PRRC2B: variants seen among roughly 807,000 people sequenced by gnomAD.
PRRC2B encodes the protein protein PRRC2B.
PRRC2B carries 68 observed loss-of-function variants against 242.3 expected under a neutral mutation model. That is an observed-to-expected ratio of 0.28 (90% CI 0.23 to 0.34). The LOEUF is 0.34. Ranked by LOEUF, PRRC2B falls within the 10% of genes least tolerant of loss-of-function variation. PRRC2B has a pLI of 1.00. For missense variants in PRRC2B, 2,835 were observed against 2,954.8 expected, an observed-to-expected ratio of 0.96 and a Z score of 0.94; for synonymous variants, 1,228 against 1,173.6, an observed-to-expected ratio of 1.05 and a Z score of -0.95.
In PRRC2B at chr9:131,482,716, G is replaced by C; in HGVS notation, c.5182G>C (p.Glu1728Gln). Residue 1728 changes from glutamate to glutamine, a missense_variant, in exon 22 of 32, where the codon GAA becomes CAA. Around this residue, in one of 7 missense-constraint regions of PRRC2B, gnomAD observed 51 missense variants for 45.1 expected, o/e 1.13. Coordinates refer to ENST00000683519, the MANE Select transcript of PRRC2B (RefSeq NM_013318.4). The surrounding 1 kb of genome is among the most constrained non-coding windows in gnomAD (Gnocchi z 5.2). ...APKPSEQKDS[E>Q]QGSGQSKEHR... Reference sequence around the variant, plus strand: ...TCTCTGCTTTTTTATCAAGGATTCAGAACAAGGCTCTGGACAGAGCAAGGA... The same window carrying C: ...TCTCTGCTTTTTTATCAAGGATTCACAACAAGGCTCTGGACAGAGCAAGGA... The C allele has an allele frequency of 6.3e-7, 1 of 1,576,584 alleles. No individual in the cohort carries two copies. Among genetic ancestry groups the C allele is most frequent in the Non-Finnish European group, 8.6e-7 (1 of 1,162,914 alleles).
At chr9:131,486,903 C>A (rs767212960) in intron 26 of PRRC2B, among the ~76,000 whole-genome samples, 1 of 152,216 alleles carries the variant, frequency 6.6e-6, no homozygotes, top group Non-Finnish European at 1.5e-5. Flanking sequence ...TTGGAACTCA[C>A]CTCTGTTGAC....
intron 2 of PRRC2B, among the ~76,000 whole-genome samples, chr9:131,430,818 C>G (rs966683072): frequency 6.6e-6 from 1 of 151,486 alleles, no homozygotes; most frequent in African/African-American, 2.4e-5. Context: ...GTCTCAAACT[C>G]GTGACCTCAG....
intron 5 of PRRC2B, among the ~76,000 whole-genome samples, 176 bp from the exon 6 acceptor site, chr9:131,444,009 T>C (rs370010598): frequency 9.2e-5 from 14 of 152,310 alleles, no homozygotes; most frequent in African/African-American, 3.1e-4. Flanking sequence ...TCAGCAGCAG[T>C]CTCCCTTGCC....
Position 131,499,103 on chromosome 9 carries a change from A to C in PRRC2B, c.*3229A>C, listed in dbSNP as rs1042876815. The C allele has an allele frequency of 3.9e-5, 6 of 152,228 alleles. No individual in the cohort carries two copies. The highest frequency in any genetic ancestry group is 7.3e-5 in the Non-Finnish European group (5 of 68,044). The allele number at this position is 152,228 out of a possible 1,614,324, so 9.4% of individuals were successfully genotyped here. On this transcript the variant is annotated 3_prime_UTR_variant, in exon 32 of 32. Coordinates refer to ENST00000683519, the MANE Select transcript of PRRC2B (RefSeq NM_013318.4). ...ATTCAAGAAAATCAGTTCAGTTCCA[A>C]AGCTGTGGTCCTTCCAGCCACTTCT...
chr9:131,481,624 T>C, intron 19 of PRRC2B, 102 bp from the exon 20 acceptor site: 1 of 946,612 alleles, frequency 1.1e-6, no homozygotes, highest in Non-Finnish European at 1.6e-6. Context: ...GCAGGGGAGT[T>C]GGATTTCTGC....
At chr9:131,421,554 C>A (rs1490225045) in intron 1 of PRRC2B, among the ~76,000 whole-genome samples, 2 of 152,282 alleles carry the variant, frequency 1.3e-5, no homozygotes, top group Middle Eastern at 3.4e-3. Context: ...TGGGATCTTT[C>A]CGTTCGTTCT....
At chr9:131,409,851 C>G (rs1193109090) in intron 1 of PRRC2B, among the ~76,000 whole-genome samples, 1 of 152,244 alleles carries the variant, frequency 6.6e-6, no homozygotes, top group Non-Finnish European at 1.5e-5. Context: ...AATACAAATG[C>G]TGTCTCCGAT....
chr9:131,481,606 C>T, intron 19 of PRRC2B, 120 bp from the exon 20 acceptor site: 2 of 772,490 alleles, frequency 2.6e-6, no homozygotes, highest in Admixed American at 2.1e-5. Context: ...GTGGCGGGTG[C>T]AGGGGAGGCA....
At chr9:131,388,869 C>G in intron 1 of PRRC2B, among the ~76,000 whole-genome samples, 1 of 107,952 alleles carries the variant, frequency 9.3e-6, no homozygotes, top group Non-Finnish European at 1.9e-5. Context: ...GAGACGGAGT[C>G]TCGCTCCGTT....
chr9:131,432,711 C>T lies in PRRC2B; in HGVS notation c.210C>T (p.Asn70=). The part of the protein sequence containing the change: ...PANLPSLKSE[N]KGNDPNIVIV... ...ACCTGCCAAGCTTGAAGTCTGAAAA[C>T]AAAGGAAACGACCCCAACATCGTGA... Residue 70 remains asparagine (N), a synonymous_variant, in exon 3 of 32, where the codon AAC becomes AAT. Transcript: ENST00000683519. The T allele has an allele frequency of 6.3e-7, 1 of 1,575,570 alleles. No individual in the cohort carries two copies. The highest frequency in any genetic ancestry group is 2.4e-5 in the East Asian group (1 of 41,732).
intron 1 of PRRC2B, among the ~76,000 whole-genome samples, chr9:131,411,880 C>A (rs1021296273): frequency 6.6e-6 from 1 of 152,118 alleles, no homozygotes; most frequent in African/African-American, 2.4e-5. Flanking sequence ...GTGGCACAGT[C>A]ACGGCTTACT....
At position 131,494,572 on chromosome 9, in the gene PRRC2B, C is replaced by A. The variant is rs936257037; in HGVS notation, c.6555+86C>A. ...AAAGAGAAGGGACTGTCCAACCTAT[C>A]TGAGCGCCCCCTGTCTAAAGACAGC... is the stretch of plus-strand genomic sequence containing the variant. On this transcript the variant is annotated intron_variant, in intron 31 of 31. Transcript: ENST00000683519. This position sits in a 1 kb window ranked among gnomAD's most constrained non-coding sequence, Gnocchi z 4.3. The A allele has an allele frequency of 1.5e-5, 11 of 726,094 alleles. No homozygotes were observed. In the African/African-American group the frequency reaches 1.8e-4, roughly 12 times the overall value. 45.0% of individuals were successfully genotyped at this position (726,094 alleles called of 1,614,324 possible). A position where few individuals can be genotyped will look rare whatever the true frequency, so the allele number is the denominator to read the frequency against.
At chr9:131,420,505 T>TCCTTCCTTCCTTCCTTCCTTCCTTC (rs1472671577) in intron 1 of PRRC2B, among the ~76,000 whole-genome samples, 1 of 37,036 alleles carries the variant, frequency 2.7e-5, no homozygotes, top group African/African-American at 8.5e-5. Flanking sequence ...TTTTTTTTTT[T>TCCTTCCTTCCTTCCTTCCTTCCTTC]TTTTTGAGAT....
chr9:131,452,436 A>T lies in PRRC2B; in HGVS notation c.1121-2640A>T, dbSNP rs189710164. On this transcript the variant is annotated intron_variant, in intron 9 of 31. Coordinates refer to ENST00000683519, the MANE Select transcript of PRRC2B (RefSeq NM_013318.4). Reference sequence around the variant, plus strand: ...CAGTTTCCCTATGTCATTTCGTGTGAGTTTTTCGGTAAGTTGTGTTTTTTG... The same window carrying T: ...CAGTTTCCCTATGTCATTTCGTGTGTGTTTTTCGGTAAGTTGTGTTTTTTG... Among the ~76,000 whole-genome samples, 555 of 152,134 alleles carry T rather than the reference A, an allele frequency of 3.6e-3. 2 individuals carry two copies. The highest frequency in any genetic ancestry group is 0.013 in the African/African-American group (540 of 41,512).
intron 10 of PRRC2B, among the ~76,000 whole-genome samples, chr9:131,457,735 C>T (rs1447488838): frequency 1.3e-5 from 2 of 152,116 alleles, no homozygotes; most frequent in Non-Finnish European, 2.9e-5. Context: ...TGACACCCTG[C>T]CCATAGTCAT....
intron 9 of PRRC2B, among the ~76,000 whole-genome samples, chr9:131,450,593 GTT>G (rs533722787): frequency 7.1e-6 from 1 of 139,882 alleles, no homozygotes. Context: ...ACTTGGTGGT[GTT>G]TTTTTTTTTG....
intron 1 of PRRC2B, among the ~76,000 whole-genome samples, chr9:131,429,022 C>A (rs1838050531): frequency 1.3e-5 from 2 of 152,176 alleles, no homozygotes; most frequent in Admixed American, 6.5e-5. Context: ...GTGGTGCAAT[C>A]TTGACTCACT....
rs751015902 is a variant in PRRC2B, at chr9:131,485,154, T to C, written c.5758+14T>C. The C allele has an allele frequency of 2.1e-5, 33 of 1,555,204 alleles. No homozygotes were observed. The highest frequency in any genetic ancestry group is 2.9e-5 in the Non-Finnish European group (33 of 1,145,132). ...CTTCTATGCCAGGTATCTCATCCCC[T>C]GAGCAAGGCCTTGGGGTCCTTCTCC... On this transcript the variant is annotated intron_variant, in intron 25 of 31. Transcript: ENST00000683519.
intron 1 of PRRC2B, among the ~76,000 whole-genome samples, chr9:131,378,244 G>A (rs1275426696): frequency 1.3e-5 from 2 of 151,600 alleles, no homozygotes; most frequent in East Asian, 3.9e-4. Flanking sequence ...AGGAGGCGGA[G>A]GTTGCAGTGA....
Sources: allele counts gnomAD v4.1 joint callset (sites outside exome capture counted in the v4.1 genomes callset), GRCh38; gene constraint gnomAD v4.1.1; regional missense constraint gnomAD v4.1.1; non-coding constraint Gnocchi (gnomAD v3.1); transcripts MANE v1.5; gene names NCBI Gene and HGNC (gene_info 2026-07-23, HGNC 2026-07-21).